Variants in ALMS1 observed in about 807,000 individuals in gnomAD.
ALMS1 encodes the protein centrosome-associated protein ALMS1.
ALMS1 carries 271 observed loss-of-function variants against 352.2 expected under a neutral mutation model. That is an observed-to-expected ratio of 0.77 (90% CI 0.70 to 0.85). The LOEUF is 0.85. ALMS1 is among the 40% of genes least tolerant of loss of function. ALMS1 has a pLI of 0.00. For synonymous variants in ALMS1, 1,865 were observed against 1,761.2 expected (o/e 1.06, Z -1.48); for missense variants, 5,445 against 4,870.7 (o/e 1.12, Z -3.51).
At chr2:73,573,692 G>T in intron 16 of ALMS1, 1 of 607,240 alleles carries the variant, frequency 1.6e-6, no homozygotes. Flanking sequence ...CTGAAATGGG[G>T]GAGCTTTGAG....
chr2:73,581,646 T>A (rs10169714), intron 16 of ALMS1, among the ~76,000 whole-genome samples: 2 of 152,100 alleles, frequency 1.3e-5, no homozygotes, highest in African/African-American at 4.8e-5. Context: ...AGAAGGCACT[T>A]TCTCCCTTGG....
At chr2:73,428,616 A>G (rs1671441276) in intron 6 of ALMS1, among the ~76,000 whole-genome samples, 1 of 152,232 alleles carries the variant, frequency 6.6e-6, no homozygotes, top group South Asian at 2.1e-4. Flanking sequence ...TGCAGAGACT[A>G]GCTTTGACCA....
intron 13 of ALMS1, among the ~76,000 whole-genome samples, chr2:73,556,297 G>A (rs1041150287): frequency 1.3e-5 from 2 of 152,126 alleles, no homozygotes; most frequent in Non-Finnish European, 2.9e-5. Context: ...AAAAGAGGTA[G>A]CAAGAGTTAA....
chr2:73,448,429 A>G lies in ALMS1; in HGVS notation c.1902A>G (p.Gln634=). 7 of 1,613,932 alleles carry G rather than the reference A, an allele frequency of 4.3e-6. No homozygotes were observed. Among genetic ancestry groups the G allele is most frequent in the Non-Finnish European group, 5.9e-6 (7 of 1,179,898 alleles). The change falls in exon 8 of 23, where the codon CAA becomes CAG. Residue 634 remains glutamine (Q), a synonymous_variant. Transcript: ENST00000613296. ...AGAAGCCTGGTACTTTTTACCAACA[A>G]GAGTTACCAGAGAGTAACTTAACCG... The part of the protein sequence containing the change: ...HREKPGTFYQ[Q]ELPESNLTEE...
chr2:73,578,653 T>C (rs1157970384), intron 16 of ALMS1, among the ~76,000 whole-genome samples: 1 of 152,186 alleles, frequency 6.6e-6, no homozygotes, highest in Non-Finnish European at 1.5e-5. Context: ...TACATCTCTA[T>C]TCTTCCCCTT....
intron 12 of ALMS1, among the ~76,000 whole-genome samples, chr2:73,538,338 A>G (rs1273953197): frequency 6.6e-6 from 1 of 152,144 alleles, no homozygotes; most frequent in African/African-American, 2.4e-5. Context: ...GAAATACCAA[A>G]CAAAACCATA....
chr2:73,406,212 T>A (rs1428190774), intron 1 of ALMS1, among the ~76,000 whole-genome samples: 1 of 152,182 alleles, frequency 6.6e-6, no homozygotes, highest in Non-Finnish European at 1.5e-5. Context: ...AATTATTATA[T>A]CTTATTTGTG....
At chr2:73,503,312 T>C (rs1327932602) in intron 10 of ALMS1, among the ~76,000 whole-genome samples, 3 of 151,910 alleles carry the variant, frequency 2.0e-5, no homozygotes, top group Non-Finnish European at 4.4e-5. Flanking sequence ...TGTGTTCTCA[T>C]TGTTCAATTC....
intron 15 of ALMS1, among the ~76,000 whole-genome samples, chr2:73,569,027 T>G (rs1390012459): frequency 1.9e-5 from 2 of 105,174 alleles, no homozygotes; most frequent in Non-Finnish European, 3.8e-5. Flanking sequence ...TTTTTTTTTT[T>G]TTTTTGAGAT....
At position 73,452,932 on chromosome 2, in the gene ALMS1, A is replaced by G. The variant is rs2103789974; in HGVS notation, c.6405A>G (p.Pro2135=). The stretch of plus-strand genomic sequence containing the variant: ...CAGCTGGCCAGAAAACAGTATTACC[A>G]ACAGCTCTTCCTAGTTCCTTTTCAC... ...PGPAGQKTVL[P]TALPSSFSHR... Residue 2135 remains proline (P), a synonymous_variant, in exon 8 of 23, where the codon CCA becomes CCG. Coordinates refer to ENST00000613296, the MANE Select transcript of ALMS1 (RefSeq NM_001378454.1). The G allele has an allele frequency of 6.2e-7, 1 of 1,613,778 alleles. No individual in the cohort carries two copies. Among genetic ancestry groups the G allele is most frequent in the Non-Finnish European group, 8.5e-7 (1 of 1,179,962 alleles).
At chr2:73,547,978 C>T (rs1046774270) in intron 12 of ALMS1, among the ~76,000 whole-genome samples, 2 of 151,780 alleles carry the variant, frequency 1.3e-5, no homozygotes, top group Non-Finnish European at 2.9e-5. Context: ...GGGAGAAGAG[C>T]GTGAAAAAAA....
At chr2:73,505,959 A>G (rs948171334) in intron 10 of ALMS1, among the ~76,000 whole-genome samples, 24 of 151,958 alleles carry the variant, frequency 1.6e-4, no homozygotes, top group African/African-American at 5.3e-4. Flanking sequence ...ATCTTGAGTT[A>G]ATTTTTGTAT....
chr2:73,556,441 T>C (rs1397665171), intron 13 of ALMS1, among the ~76,000 whole-genome samples: 2 of 152,154 alleles, frequency 1.3e-5, no homozygotes, highest in African/African-American at 4.8e-5. Flanking sequence ...TTTAAAAGGC[T>C]ATAACTGCAT....
Position 73,519,639 on chromosome 2 carries a change from T to TTA in ALMS1, c.9540-136_9540-135insTA, listed in dbSNP as rs1673630696. On this transcript the variant is annotated intron_variant, in intron 10 of 22. Coordinates refer to ENST00000613296, the MANE Select transcript of ALMS1 (RefSeq NM_001378454.1). Reference sequence around the variant, plus strand: ...GGGTACTGCTGAAATTTTACCTTAATAACGTTTGACATTGATGTGTCCACA... The same window carrying TTA: ...GGGTACTGCTGAAATTTTACCTTAATTAAACGTTTGACATTGATGTGTCCACA... 1.4e-5 allele frequency: 16 copies of TTA among 1,113,774 alleles called. No homozygotes were observed. In the South Asian group the frequency reaches 2.5e-4, roughly 17 times the overall value. The allele number at this position is 1,113,774 out of a possible 1,614,324, so 69.0% of individuals were successfully genotyped here.
Position 73,573,187 on chromosome 2 carries a change from T to TA in ALMS1, c.11311dup (p.Arg3771LysfsTer10). 1 of 1,612,696 alleles carries TA rather than the reference T, an allele frequency of 6.2e-7. No individual in the cohort carries two copies. The highest frequency in any genetic ancestry group is 8.5e-7 in the Non-Finnish European group (1 of 1,179,188). On this transcript the variant is annotated frameshift_variant, in exon 16 of 23. Coordinates refer to ENST00000613296, the MANE Select transcript of ALMS1 (RefSeq NM_001378454.1). LOFTEE classifies it high-confidence loss of function. ...AATCAGATATATTGACCCAAACAGA[T>TA]AGAGAGGTGGCTCTGCACGAAAGGA...
chr2:73,578,060 G>A (rs967569630), intron 16 of ALMS1, among the ~76,000 whole-genome samples: 1 of 152,048 alleles, frequency 6.6e-6, no homozygotes, highest in African/African-American at 2.4e-5. Flanking sequence ...TTAGGGCTCT[G>A]TTGTCAGTTG....
rs1391024216 is a variant in ALMS1 at position 73,453,393 on chromosome 2, T to C, written c.6866T>C (p.Ile2289Thr). 2 of 1,613,800 alleles carry C rather than the reference T, an allele frequency of 1.2e-6. No homozygotes were observed. Among genetic ancestry groups the C allele is most frequent in the South Asian group, 2.2e-5 (2 of 91,056 alleles). Residue 2289 changes from isoleucine (I) to threonine (T), a missense_variant, in exon 8 of 23, where the codon ATT becomes ACT. By Grantham distance (89) the Ile-to-Thr change is moderately conservative. Coordinates refer to ENST00000613296, the MANE Select transcript of ALMS1 (RefSeq NM_001378454.1). ...GCTCCCCTTGCCCGTTTCAGAGATA[T>C]TAGTGATATTTCATTTATACAATCT... is the stretch of plus-strand genomic sequence containing the variant. ...FPAPLARFRD[I>T]SDISFIQSKK...
chr2:73,604,166 C>G (rs1675764221), intron 21 of ALMS1, among the ~76,000 whole-genome samples: 1 of 151,970 alleles, frequency 6.6e-6, no homozygotes, highest in African/African-American at 2.4e-5. Context: ...GAAAGGATAA[C>G]AGTAGATTTT....
chr2:73,604,393 G>C (rs1292018898), intron 21 of ALMS1, among the ~76,000 whole-genome samples: 1 of 152,030 alleles, frequency 6.6e-6, no homozygotes, highest in African/African-American at 2.4e-5. Flanking sequence ...CTGAAACTCT[G>C]TATTCAAAAA....
Sources: gnomAD v4.1 joint callset for allele counts (sites outside exome capture counted in the v4.1 genomes callset) on GRCh38, gnomAD v4.1.1 for gene constraint, MANE v1.5 for transcripts, NCBI Gene and HGNC (gene_info 2026-07-23, HGNC 2026-07-21) for gene names.